Variants in FSTL5 observed in about 807,000 individuals in gnomAD.
The protein encoded by FSTL5 is follistatin-related protein 5.
FSTL5 carries 62 observed loss-of-function variants against 89.1 expected under a neutral mutation model. The ratio of observed to expected loss-of-function variants is 0.70; its 90% CI spans 0.57 to 0.86. The LOEUF (loss-of-function observed/expected upper bound fraction) is 0.86, where lower values mean the gene tolerates loss of function less well. FSTL5 is among the 40% of genes least tolerant of loss of function. FSTL5 has a pLI of 0.00. For missense variants in FSTL5, 1,057 were observed against 1,001.6 expected (o/e 1.06, Z -0.75); for synonymous variants, 383 against 346.2 (o/e 1.11, Z -1.18).
At chr4:161,889,616 C>A (rs1313489163) in intron 4 of FSTL5, among the ~76,000 whole-genome samples, 1 of 152,130 alleles carries the variant, frequency 6.6e-6, no homozygotes, top group Non-Finnish European at 1.5e-5. Context: ...TGCACTCCAG[C>A]CTGAGCGACA....
intron 10 of FSTL5, among the ~76,000 whole-genome samples, chr4:161,517,722 T>G (rs1730888873): frequency 6.6e-6 from 1 of 152,212 alleles, no homozygotes; most frequent in Admixed American, 6.5e-5. Flanking sequence ...CTGAATTTTA[T>G]ATTAAATAAT....
At position 161,640,581 on chromosome 4, in the gene FSTL5, A is replaced by G. The variant is rs370249938; in HGVS notation, c.894+15747T>C. Among the ~76,000 whole-genome samples the G allele has an allele frequency of 6.6e-5, 10 of 152,292 alleles. No individual in the cohort carries two copies. In the East Asian group the frequency reaches 1.2e-3, roughly 18 times the overall value. On this transcript the variant is annotated intron_variant, in intron 7 of 15. Transcript: ENST00000306100. Reference sequence around the variant, plus strand: ...AACAGGAAGAAAAAAGAATCAGTGAACTTGAACCTAAGATAGTAGTAAATC... The same window carrying G: ...AACAGGAAGAAAAAAGAATCAGTGAGCTTGAACCTAAGATAGTAGTAAATC...
intron 12 of FSTL5, among the ~76,000 whole-genome samples, chr4:161,490,141 T>C (rs910074264): frequency 5.3e-5 from 8 of 152,146 alleles, no homozygotes; most frequent in Non-Finnish European, 7.4e-5. Flanking sequence ...ATTTCTAATA[T>C]TATTGTGGAA....
At chr4:161,706,540 T>G (rs2126735290) in intron 6 of FSTL5, among the ~76,000 whole-genome samples, 1 of 152,206 alleles carries the variant, frequency 6.6e-6, no homozygotes, top group African/African-American at 2.4e-5. Context: ...TTCATTAGGA[T>G]AACTCTTAAC....
chr4:161,692,607 C>A (rs1737980570), intron 6 of FSTL5, among the ~76,000 whole-genome samples: 1 of 152,084 alleles, frequency 6.6e-6, no homozygotes, highest in African/African-American at 2.4e-5. Flanking sequence ...GAAAAATCCC[C>A]TGGGTGAATG....
intron 7 of FSTL5, among the ~76,000 whole-genome samples, chr4:161,642,157 C>T (rs1311184839): frequency 6.6e-6 from 1 of 152,136 alleles, no homozygotes; most frequent in Non-Finnish European, 1.5e-5. Context: ...CATTACCTCA[C>T]ATGGCTACTA....
At chr4:161,700,045 A>G (rs923776252) in intron 6 of FSTL5, among the ~76,000 whole-genome samples, 1 of 152,228 alleles carries the variant, frequency 6.6e-6, no homozygotes, top group Non-Finnish European at 1.5e-5. Context: ...GGAATTTTTC[A>G]TAAACATTGA....
At chr4:161,448,396 G>C (rs962001416) in intron 15 of FSTL5, among the ~76,000 whole-genome samples, 3 of 151,964 alleles carry the variant, frequency 2.0e-5, no homozygotes, top group Non-Finnish European at 2.9e-5. Flanking sequence ...CCATACACCT[G>C]GCCTGTCCAT....
chr4:162,078,866 T>C (rs1338094641), intron 2 of FSTL5, among the ~76,000 whole-genome samples: 1 of 151,748 alleles, frequency 6.6e-6, no homozygotes, highest in Non-Finnish European at 1.5e-5. Flanking sequence ...TGTTAGTAAA[T>C]ATTGATGGAA....
At chr4:161,486,406 G>A (rs992038885) in intron 12 of FSTL5, among the ~76,000 whole-genome samples, 2 of 152,144 alleles carry the variant, frequency 1.3e-5, no homozygotes, top group African/African-American at 2.4e-5. Context: ...AGACAAAGGA[G>A]GGGAGAGAGG....
At chr4:162,064,931 G>T (rs1264479895) in intron 2 of FSTL5, among the ~76,000 whole-genome samples, 1 of 151,900 alleles carries the variant, frequency 6.6e-6, no homozygotes, top group Non-Finnish European at 1.5e-5. Context: ...ACACAATAGA[G>T]ATCCCAGAAA....
At chr4:161,935,841 G>A (rs1266678314) in intron 3 of FSTL5, among the ~76,000 whole-genome samples, 1 of 152,144 alleles carries the variant, frequency 6.6e-6, no homozygotes, top group Non-Finnish European at 1.5e-5. Context: ...GAAATGCACA[G>A]AATGAGAAAG....
intron 4 of FSTL5, among the ~76,000 whole-genome samples, chr4:161,880,688 A>T (rs1000627845): frequency 2.6e-5 from 4 of 152,200 alleles, no homozygotes; most frequent in Non-Finnish European, 5.9e-5. Context: ...TACAACATTC[A>T]CACAGTGAAA....
intron 2 of FSTL5, 149 bp from the exon 3 acceptor site, chr4:162,033,807 AT>A (rs72372775): frequency 1.1e-3 from 575 of 505,710 alleles, no homozygotes; most frequent in Non-Finnish European, 1.3e-3. Context: ...TTTACATATA[AT>A]TTTTTTTTGA....
chr4:161,572,352 A>G (rs1277270309), intron 8 of FSTL5, among the ~76,000 whole-genome samples: 4 of 145,746 alleles, frequency 2.7e-5, no homozygotes, highest in Non-Finnish European at 6.0e-5. Flanking sequence ...AAAGAGAGAG[A>G]GAGAGAGAAA....
At chr4:161,987,485 T>TATATATATATAC (rs984214889) in intron 3 of FSTL5, among the ~76,000 whole-genome samples, 4,029 of 143,544 alleles carry the variant, frequency 0.028, 68 homozygotes, top group Non-Finnish European at 0.042. Flanking sequence ...TATATATATA[T>TATATATATATAC]ACATACATAT....
At chr4:161,797,551 A>C (rs988694662) in intron 4 of FSTL5, among the ~76,000 whole-genome samples, 13 of 151,666 alleles carry the variant, frequency 8.6e-5, no homozygotes, top group Admixed American at 4.6e-4. Flanking sequence ...CTCCAAAATT[A>C]GAAATTGAAA....
intron 2 of FSTL5, among the ~76,000 whole-genome samples, chr4:162,064,462 T>C (rs1472561964): frequency 6.6e-6 from 1 of 151,982 alleles, no homozygotes; most frequent in African/African-American, 2.4e-5. Context: ...ACGGACCTCA[T>C]CCAAATAATT....
At chr4:161,566,417 T>C (rs150930260) in intron 8 of FSTL5, among the ~76,000 whole-genome samples, 4 of 152,064 alleles carry the variant, frequency 2.6e-5, no homozygotes, top group Admixed American at 1.3e-4. Context: ...GTAATGAACA[T>C]AGGGCTGCAT....
Sources: allele counts gnomAD v4.1 joint callset (sites outside exome capture counted in the v4.1 genomes callset), GRCh38; gene constraint gnomAD v4.1.1; transcripts MANE v1.5; gene names NCBI Gene and HGNC (gene_info 2026-07-23, HGNC 2026-07-21).